The following DOT1L variants were observed in gnomAD, a reference collection of about 807,000 sequenced individuals.
DOT1L encodes histone-lysine N-methyltransferase, H3 lysine-79 specific.
DOT1L carries 33 observed loss-of-function variants against 153.3 expected under a neutral mutation model. The ratio of observed to expected loss-of-function variants is 0.22; its 90% confidence interval spans 0.16 to 0.29. The LOEUF is 0.29. DOT1L is among the 10% of genes least tolerant of loss of function. DOT1L has a pLI of 1.00. For synonymous variants in DOT1L, 1,135 were observed against 965.1 expected (o/e 1.18, Z -3.26); for missense variants, 1,847 against 2,119.9 (o/e 0.87, Z 2.53).
intron 27 of DOT1L, chr19:2,228,652 T>C (rs1275217543): frequency 1.0e-6 from 1 of 985,366 alleles, no homozygotes. Context: ...TGGGGGCAGC[T>C]GTGCCAGCCC....
rs1339401589 is a variant in DOT1L at position 2,190,061 on chromosome 19, G to A, written c.264+266G>A. The stretch of plus-strand genomic sequence containing the variant: ...CCTGAGGGTTGTGGTGTCTGCACAC[G>A]CCTCTGCAGCCCTGGGTTGGTGTCC... On this transcript the variant is annotated intron_variant, in intron 4 of 27. Coordinates refer to ENST00000398665, the MANE Select transcript of DOT1L (RefSeq NM_032482.3). This position sits in a 1 kb window ranked among gnomAD's most constrained non-coding sequence, Gnocchi z 4.8. Among the ~76,000 whole-genome samples, 3 of 152,146 alleles carry A rather than the reference G, an allele frequency of 2.0e-5. No homozygotes were observed. The highest frequency in any genetic ancestry group is 4.8e-5 in the African/African-American group (2 of 41,416).
chr19:2,214,632 G>C (rs113013133), intron 19 of DOT1L, 36 bp downstream of exon 19: 4 of 1,603,630 alleles, frequency 2.5e-6, no homozygotes, highest in Non-Finnish European at 2.6e-6. Flanking sequence ...CGTGGTGTCC[G>C]AGCCTCTCCC....
At chr19:2,168,025 G>A (rs541207244) in intron 1 of DOT1L, among the ~76,000 whole-genome samples, 8 of 152,134 alleles carry the variant, frequency 5.3e-5, no homozygotes, top group African/African-American at 1.4e-4. Context: ...GTGAACCACC[G>A]TGCCCAGACG....
At position 2,181,237 on chromosome 19, in the gene DOT1L, T is replaced by G. The variant is rs188385432; in HGVS notation, c.125+481T>G. On this transcript the variant is annotated intron_variant, in intron 2 of 27. Transcript: ENST00000398665. The stretch of plus-strand genomic sequence containing the variant: ...CTCTGGGTGCCTCTCTGCTGCCCAC[T>G]GGGAAGCTGCCCATGGTGGCCGGCA... Among the ~76,000 whole-genome samples the G allele has an allele frequency of 2.1e-3, 317 of 152,272 alleles. 7 individuals carry two copies. Among genetic ancestry groups the G allele is most frequent in the Admixed American group, 0.017 (266 of 15,310 alleles).
chr19:2,176,748 T>C (rs1471055390), intron 1 of DOT1L, among the ~76,000 whole-genome samples: 2 of 152,164 alleles, frequency 1.3e-5, no homozygotes, highest in Non-Finnish European at 2.9e-5. Flanking sequence ...CGGCCACCAC[T>C]TTGAGACAGC....
intron 6 of DOT1L, 79 bp from the exon 7 acceptor site, chr19:2,194,436 G>T (rs1235116010): frequency 1.3e-6 from 2 of 1,541,262 alleles, no homozygotes; most frequent in African/African-American, 1.4e-5. Context: ...CTCCCAAAGT[G>T]CCGGGATTAC....
chr19:2,193,568 T>TCG lies in DOT1L; in HGVS notation c.494-121_494-120insCG. The TCG allele has an allele frequency of 2.4e-6, 2 of 835,248 alleles. No homozygotes were observed. Among genetic ancestry groups the TCG allele is most frequent in the Non-Finnish European group, 3.8e-6 (2 of 519,826 alleles). The allele number at this position is 835,248 out of a possible 1,614,324, so 51.7% of individuals were successfully genotyped here. A position where few individuals can be genotyped will look rare whatever the true frequency, so the allele number is the denominator to read the frequency against. On this transcript the variant is annotated intron_variant, in intron 5 of 27. Transcript: ENST00000398665. The surrounding 1 kb of genome is among the most constrained non-coding windows in gnomAD (Gnocchi z 5.9). ...TGGAGCATCGGATATGTGTGGAGAC[T>TCG]GTGGCCTCCCCTGTGGGTCTTCATG...
At chr19:2,187,180 A>G (rs965986694) in intron 3 of DOT1L, among the ~76,000 whole-genome samples, 2 of 152,216 alleles carry the variant, frequency 1.3e-5, no homozygotes, top group Non-Finnish European at 2.9e-5. Context: ...GTCACCTAGA[A>G]GTTCCCAGGG....
intron 25 of DOT1L, 25 bp from the exon 26 acceptor site, chr19:2,225,363 A>AT (rs1309301936): frequency 1.9e-6 from 3 of 1,610,134 alleles, no homozygotes. Flanking sequence ...GGTTTCAAGC[A>AT]TTAATGACCT....
At chr19:2,199,453 C>T (rs2023154336) in intron 7 of DOT1L, among the ~76,000 whole-genome samples, 1 of 152,256 alleles carries the variant, frequency 6.6e-6, no homozygotes, top group Admixed American at 6.5e-5. Flanking sequence ...TCCCTCAGGC[C>T]CTGCCTGGAG....
At chr19:2,175,084 C>T (rs985388565) in intron 1 of DOT1L, among the ~76,000 whole-genome samples, 43 of 151,580 alleles carry the variant, frequency 2.8e-4, no homozygotes, top group African/African-American at 7.7e-4. Flanking sequence ...CTGCAAGCCC[C>T]GCCTCCCGGG....
Position 2,230,736 on chromosome 19 carries a change from G to A in DOT1L, c.*944G>A, listed in dbSNP as rs1356603406. ...GGTATAATGCACAGTGAAGAGGAAA[G>A]AAAAGCGAGGGGAAAAAACCTTATT... On this transcript the variant is annotated 3_prime_UTR_variant, in exon 28 of 28. Transcript: ENST00000398665. 1 of 397,652 alleles carries A rather than the reference G, an allele frequency of 2.5e-6. No homozygotes were observed. The highest frequency in any genetic ancestry group is 3.6e-5 in the East Asian group (1 of 28,078). 24.6% of individuals were successfully genotyped at this position (397,652 alleles called of 1,614,324 possible).
At chr19:2,187,041 T>A in intron 3 of DOT1L, among the ~76,000 whole-genome samples, 1 of 152,216 alleles carries the variant, frequency 6.6e-6, no homozygotes, top group Non-Finnish European at 1.5e-5. Flanking sequence ...TCACGGAGGC[T>A]TCTCGGAGAC....
At chr19:2,185,974 G>A (rs746044805) in intron 3 of DOT1L, 45 bp downstream of exon 3, 5 of 1,581,450 alleles carry the variant, frequency 3.2e-6, no homozygotes, top group East Asian at 2.2e-5. Context: ...GGACAGACTC[G>A]GCTCTTGGGG....
intron 1 of DOT1L, among the ~76,000 whole-genome samples, chr19:2,173,423 C>T (rs931072165): frequency 7.9e-5 from 12 of 152,178 alleles, no homozygotes; most frequent in African/African-American, 1.4e-4. Flanking sequence ...AGGTGAGCCG[C>T]GGATCACAGT....
At chr19:2,164,294 T>A in intron 1 of DOT1L, 29 bp downstream of exon 1, 1 of 1,220,230 alleles carries the variant, frequency 8.2e-7, no homozygotes, top group Non-Finnish European at 1.0e-6. Flanking sequence ...CGTCCCTACC[T>A]CCCGGCCTCC....
At chr19:2,175,615 G>A (rs370230942) in intron 1 of DOT1L, among the ~76,000 whole-genome samples, 11 of 152,186 alleles carry the variant, frequency 7.2e-5, no homozygotes, top group African/African-American at 2.7e-4. Flanking sequence ...GATCATCTGA[G>A]GTCAGGAGTT....
At chr19:2,227,489 G>T in intron 27 of DOT1L, 1 of 538,716 alleles carries the variant, frequency 1.9e-6, no homozygotes. Flanking sequence ...TCCCCGCAGT[G>T]CCTGCCCAGA....
chr19:2,216,494 A>G lies in DOT1L; in HGVS notation c.2137A>G (p.Met713Val), dbSNP rs368333931. Reference protein sequence around the residue: ...HLSSMSPELSMNGQAAGYELC... With the variant: ...HLSSMSPELSVNGQAAGYELC... ...GAGCAGCATGAGCCCGGAGCTCTCC[A>G]TGAACGGCCAGGCTGCTGGCTATGA... The change falls in exon 20 of 28, where the codon ATG becomes GTG. Residue 713 changes from methionine to valine, a missense_variant. By Grantham distance (21) the Met-to-Val change is conservative (BLOSUM62 1). Around this residue, in one of 8 missense-constraint regions of DOT1L, gnomAD observed 281 missense variants for 263.6 expected, o/e 1.07. Transcript: ENST00000398665. 25 of 1,612,636 alleles carry G rather than the reference A, an allele frequency of 1.6e-5. No homozygotes were observed. The African/African-American group carries it at 1.9e-4, about 12-fold the overall frequency.
Sources: gnomAD v4.1 joint callset for allele counts (sites outside exome capture counted in the v4.1 genomes callset) on GRCh38, gnomAD v4.1.1 for gene constraint, gnomAD v4.1.1 regional missense constraint, Gnocchi (gnomAD v3.1) non-coding constraint, MANE v1.5 for transcripts, NCBI Gene and HGNC (gene_info 2026-07-23, HGNC 2026-07-21) for gene names.